LPGAT1: variants seen among roughly 807,000 people sequenced by gnomAD.
The protein encoded by LPGAT1 is acyl-CoA:lysophosphatidylglycerol acyltransferase 1.
A neutral mutation model predicts 47.5 loss-of-function variants in LPGAT1; 11 were observed. That is an observed-to-expected ratio of 0.23 (90% CI 0.15 to 0.38). The LOEUF (loss-of-function observed/expected upper bound fraction) is 0.38, where lower values mean the gene tolerates loss of function less well. Ranked by LOEUF, LPGAT1 falls within the 10% of genes least tolerant of loss-of-function variation. LPGAT1 has a pLI of 1.00. For synonymous variants in LPGAT1, 138 were observed against 144.2 expected, an observed-to-expected ratio of 0.96 and a Z score of 0.31; for missense variants, 293 against 439.0, an observed-to-expected ratio of 0.67 and a Z score of 2.97.
At chr1:211,818,989 C>G (rs750249433) in intron 2 of LPGAT1, among the ~76,000 whole-genome samples, 2 of 152,144 alleles carry the variant, frequency 1.3e-5, no homozygotes, top group Non-Finnish European at 2.9e-5. Flanking sequence ...AATTGCTCTC[C>G]ATTCTATAAT....
intron 2 of LPGAT1, among the ~76,000 whole-genome samples, chr1:211,806,715 T>C (rs1391255029): frequency 1.3e-5 from 2 of 152,182 alleles, no homozygotes; most frequent in Non-Finnish European, 2.9e-5. Context: ...TCATATGAAT[T>C]GACGCAGAAA....
chr1:211,750,166 T>C, intron 7 of LPGAT1, 116 bp from the exon 8 acceptor site: 1 of 836,752 alleles, frequency 1.2e-6, no homozygotes, highest in Non-Finnish European at 1.9e-6. Flanking sequence ...TCAGTGACTT[T>C]CCAGTGCCCC....
At chr1:211,794,161 A>G (rs1659253892) in intron 2 of LPGAT1, among the ~76,000 whole-genome samples, 1 of 152,240 alleles carries the variant, frequency 6.6e-6, no homozygotes, top group Admixed American at 6.5e-5. Flanking sequence ...GCATACTTTC[A>G]CCTTAAAATA....
intron 6 of LPGAT1, among the ~76,000 whole-genome samples, chr1:211,760,570 T>C (rs976868494): frequency 2.0e-5 from 3 of 152,132 alleles, no homozygotes; most frequent in Non-Finnish European, 2.9e-5. Context: ...AGTACTACCA[T>C]TGGAATTTGG....
intron 2 of LPGAT1, among the ~76,000 whole-genome samples, chr1:211,804,935 C>T (rs375301145): frequency 6.6e-6 from 1 of 152,014 alleles, no homozygotes. Flanking sequence ...CATATAACTG[C>T]ACATTGTAGA....
At chr1:211,825,736 G>A (rs992994011) in intron 2 of LPGAT1, among the ~76,000 whole-genome samples, 3 of 152,178 alleles carry the variant, frequency 2.0e-5, no homozygotes, top group East Asian at 1.9e-4. Flanking sequence ...CAACGTGGGC[G>A]GATCACAAGG....
rs555607368 is a variant in LPGAT1, at chr1:211,811,766, C to T, written c.238+17293G>A. Among the ~76,000 whole-genome samples, 54 of 150,820 alleles carry T rather than the reference C, an allele frequency of 3.6e-4. No homozygotes were observed. In the South Asian group the frequency reaches 3.6e-3, roughly 10 times the overall value. ...GCGACAGAGTGAGACTCTGCCATCC[C>T]GCCACTGCACTCCAGCCTGGGCGAC... On this transcript the variant is annotated intron_variant, in intron 2 of 7. Transcript: ENST00000366997.
At chr1:211,782,065 C>G (rs1360244559) in intron 5 of LPGAT1, among the ~76,000 whole-genome samples, 2 of 152,168 alleles carry the variant, frequency 1.3e-5, no homozygotes, top group Non-Finnish European at 2.9e-5. Context: ...CACGCATTTC[C>G]TACTGCCTTG....
intron 2 of LPGAT1, among the ~76,000 whole-genome samples, chr1:211,810,950 T>TTTG (rs1659966339): frequency 6.6e-6 from 1 of 152,122 alleles, no homozygotes; most frequent in Admixed American, 6.5e-5. Flanking sequence ...ACCACACAGG[T>TTTG]GACAACAGAG....
intron 6 of LPGAT1, among the ~76,000 whole-genome samples, chr1:211,775,503 T>TC (rs1321132919): frequency 6.6e-6 from 1 of 152,196 alleles, no homozygotes; most frequent in African/African-American, 2.4e-5. Flanking sequence ...AGAGGACAGT[T>TC]ATTGCCCTCT....
chr1:211,827,875 G>C (rs1418336554), intron 2 of LPGAT1, among the ~76,000 whole-genome samples: 2 of 152,168 alleles, frequency 1.3e-5, no homozygotes, highest in African/African-American at 4.8e-5. Flanking sequence ...TTATGCCACT[G>C]CCTGAAGGAG....
intron 6 of LPGAT1, among the ~76,000 whole-genome samples, chr1:211,763,377 C>T (rs1257635045): frequency 3.3e-5 from 5 of 152,130 alleles, no homozygotes; most frequent in Admixed American, 6.5e-5. Flanking sequence ...TGGCTCTCAG[C>T]GCTTCTCTCT....
At chr1:211,811,747 G>C (rs1269966512) in intron 2 of LPGAT1, among the ~76,000 whole-genome samples, 1 of 151,736 alleles carries the variant, frequency 6.6e-6, no homozygotes, top group African/African-American at 2.4e-5. Flanking sequence ...CTGGGCGACA[G>C]AGTGAGACTC....
chr1:211,795,105 G>C (rs1659295172), intron 2 of LPGAT1, among the ~76,000 whole-genome samples: 1 of 152,132 alleles, frequency 6.6e-6, no homozygotes, highest in Non-Finnish European at 1.5e-5. Context: ...AAAAGTTTTA[G>C]ATATCGGTTC....
intron 6 of LPGAT1, among the ~76,000 whole-genome samples, chr1:211,774,916 C>G (rs964562574): frequency 2.6e-5 from 4 of 152,168 alleles, no homozygotes; most frequent in Admixed American, 2.0e-4. Context: ...GAAAAACATT[C>G]TGCTCCACAT....
At chr1:211,795,314 A>C (rs1303691640) in intron 2 of LPGAT1, among the ~76,000 whole-genome samples, 1 of 152,242 alleles carries the variant, frequency 6.6e-6, no homozygotes, top group Non-Finnish European at 1.5e-5. Flanking sequence ...TTAAGTAATA[A>C]AAGCAAAGTG....
In LPGAT1 at chr1:211,793,119, T is replaced by C; in HGVS notation, c.310A>G (p.Thr104Ala). The change falls in exon 3 of 8, where the codon ACA becomes GCA. Residue 104 changes from threonine to alanine, a missense_variant. Coordinates refer to ENST00000366997, the MANE Select transcript of LPGAT1 (RefSeq NM_014873.3). The stretch of plus-strand genomic sequence containing the variant: ...ATCATCAGTGTGCACACATCTCCTG[T>C]TGCCTGATGATTCACCAACATCACT... Reference protein sequence around the residue: ...EAVMLVNHQATGDVCTLMMCL... With the variant: ...EAVMLVNHQAAGDVCTLMMCL... The C allele has an allele frequency of 1.2e-6, 2 of 1,609,780 alleles. No homozygotes were observed. The highest frequency in any genetic ancestry group is 1.7e-6 in the Non-Finnish European group (2 of 1,178,106).
chr1:211,757,122 T>C (rs1449896938), intron 6 of LPGAT1, among the ~76,000 whole-genome samples: 1 of 151,948 alleles, frequency 6.6e-6, no homozygotes, highest in East Asian at 1.9e-4. Context: ...CCAGATGTGG[T>C]GGCAGGTGCC....
chr1:211,744,091 C>T lies in LPGAT1; in HGVS notation c.*5808G>A, dbSNP rs781153421. On this transcript the variant is annotated 3_prime_UTR_variant, in exon 8 of 8. Coordinates refer to ENST00000366997, the MANE Select transcript of LPGAT1 (RefSeq NM_014873.3). ...GTCACATTCTTCTAAATCAAAAGTT[C>T]GCTGTGTAGGACTGACATTAATGCT... The T allele has an allele frequency of 2.0e-5, 3 of 152,236 alleles. No individual in the cohort carries two copies. In the South Asian group the frequency reaches 6.2e-4, roughly 32 times the overall value. The allele number at this position is 152,236 out of a possible 1,614,324, so 9.4% of individuals were successfully genotyped here.
Sources: gnomAD v4.1 joint callset for allele counts (sites outside exome capture counted in the v4.1 genomes callset) on GRCh38, gnomAD v4.1.1 for gene constraint, MANE v1.5 for transcripts, NCBI Gene and HGNC (gene_info 2026-07-23, HGNC 2026-07-21) for gene names.